The following TSPAN15 variants were observed in gnomAD, a reference collection of about 807,000 sequenced individuals.
TSPAN15 encodes the protein tetraspanin 15.
A neutral mutation model predicts 34.5 loss-of-function variants in TSPAN15; 20 were observed. The ratio of observed to expected loss-of-function variants is 0.58; its 90% confidence interval spans 0.41 to 0.84. The LOEUF (loss-of-function observed/expected upper bound fraction) is 0.84, where lower values mean the gene tolerates loss of function less well. TSPAN15 is among the 40% of genes least tolerant of loss of function. The pLI, the probability that TSPAN15 is intolerant of heterozygous loss-of-function variation, is 0.00. For synonymous variants in TSPAN15, 155 were observed against 153.9 expected, an observed-to-expected ratio of 1.01 and a Z score of -0.05; for missense variants, 313 against 386.1, an observed-to-expected ratio of 0.81 and a Z score of 1.59.
intron 1 of TSPAN15, among the ~76,000 whole-genome samples, chr10:69,458,098 G>A (rs547126894): frequency 3.9e-5 from 6 of 152,124 alleles, no homozygotes; most frequent in Non-Finnish European, 7.3e-5. Flanking sequence ...TTTCTTCCTC[G>A]GGCCCCCATG....
At chr10:69,511,541 T>A (rs545504276), downstream of TSPAN15, among the ~76,000 whole-genome samples, 4 of 152,326 alleles carry the variant, frequency 2.6e-5, no homozygotes, top group East Asian at 7.7e-4. Context: ...ATTCATTGAT[T>A]TTTTGAAGGG....
At chr10:69,512,290 C>T (rs1345394964), downstream of TSPAN15, among the ~76,000 whole-genome samples, 2 of 152,122 alleles carry the variant, frequency 1.3e-5, no homozygotes, top group Non-Finnish European at 2.9e-5. Flanking sequence ...ATTTGTGCAG[C>T]CTACATCATT....
chr10:69,471,758 ATTC>A (rs1004984758), intron 1 of TSPAN15, among the ~76,000 whole-genome samples: 1 of 151,882 alleles, frequency 6.6e-6, no homozygotes, highest in Non-Finnish European at 1.5e-5. Context: ...CACCTGGCTA[ATTC>A]TTCTTACTTT....
chr10:69,463,201 G>T (rs905277750), intron 1 of TSPAN15, among the ~76,000 whole-genome samples: 1 of 152,252 alleles, frequency 6.6e-6, no homozygotes, highest in Non-Finnish European at 1.5e-5. Flanking sequence ...TCAGAAACTT[G>T]TGGGGTGGCC....
intron 1 of TSPAN15, 60 bp downstream of exon 1, chr10:69,451,750 T>A: frequency 7.5e-7 from 1 of 1,334,064 alleles, no homozygotes; most frequent in Non-Finnish European, 9.9e-7. Flanking sequence ...GGCCGCCCCC[T>A]CACTGGCCCG....
rs767296591 is a variant in TSPAN15, at chr10:69,504,502, G to C, written c.618+17G>C. On this transcript the variant is annotated intron_variant, in intron 6 of 7. Coordinates refer to ENST00000373290, the MANE Select transcript of TSPAN15 (RefSeq NM_012339.5). ...GACAAGGAGGTAATGTCTTTGAAAT[G>C]CCTTTCCCTGGAAATGTTGCTCTTC... is the stretch of plus-strand genomic sequence containing the variant. 4 of 1,613,756 alleles carry C rather than the reference G, an allele frequency of 2.5e-6. No homozygotes were observed. Among genetic ancestry groups the C allele is most frequent in the Admixed American group, 1.7e-5 (1 of 59,992 alleles).
the TSPAN15 span, among the ~76,000 whole-genome samples, chr10:69,530,816 C>CTA: frequency 1.2e-3 from 61 of 52,372 alleles, no homozygotes; most frequent in South Asian, 2.1e-3. Flanking sequence ...CTCTCTCTCT[C>CTA]TCTCTATATA....
At chr10:69,539,489 A>AG in the TSPAN15 span, among the ~76,000 whole-genome samples, 2 of 59,460 alleles carry the variant, frequency 3.4e-5, no homozygotes, top group African/African-American at 7.2e-5. Context: ...AAGGAGAAGA[A>AG]GAAGAAGAAG....
chr10:69,502,714 C>T (rs571276224), intron 5 of TSPAN15, among the ~76,000 whole-genome samples: 1 of 152,112 alleles, frequency 6.6e-6, no homozygotes, highest in African/African-American at 2.4e-5. Context: ...GCTCTCCTGG[C>T]AGGGTGAGGT....
At chr10:69,491,465 C>T (rs901510175) in intron 3 of TSPAN15, among the ~76,000 whole-genome samples, 12 of 152,186 alleles carry the variant, frequency 7.9e-5, no homozygotes, top group African/African-American at 2.9e-4. Context: ...TAGGCTCAAG[C>T]GATCCTCCCA....
chr10:69,527,592 T>C, the TSPAN15 span, among the ~76,000 whole-genome samples: 1 of 101,184 alleles, frequency 9.9e-6, no homozygotes, highest in Non-Finnish European at 2.0e-5. Flanking sequence ...CGAAATTCCA[T>C]CTCAAAAAAA....
chr10:69,514,575 T>G, the TSPAN15 span, among the ~76,000 whole-genome samples: 1 of 152,250 alleles, frequency 6.6e-6, no homozygotes, highest in Non-Finnish European at 1.5e-5. Flanking sequence ...TGGTAGTTTT[T>G]TCCTTCAAGG....
the TSPAN15 span, among the ~76,000 whole-genome samples, chr10:69,530,670 G>A: frequency 6.9e-6 from 1 of 144,278 alleles, no homozygotes; most frequent in South Asian, 2.2e-4. Context: ...GCCAGGGGTG[G>A]TGGTGTGTGC....
Position 69,506,344 on chromosome 10 carries a change from G to T in TSPAN15, c.735+104G>T, listed in dbSNP as rs927641854. ...AGAGGCTTTTTTCATAGAAGTCCAG[G>T]ACTTGCCTGGGGAGGGCTGCATGGC... On this transcript the variant is annotated intron_variant, in intron 7 of 7. Transcript: ENST00000373290. The surrounding 1 kb of genome is among the most constrained non-coding windows in gnomAD (Gnocchi z 4.7). 2 of 1,129,548 alleles carry T rather than the reference G, an allele frequency of 1.8e-6. No individual in the cohort carries two copies. Among genetic ancestry groups the T allele is most frequent in the Non-Finnish European group, 1.3e-6 (1 of 769,286 alleles). 70.0% of individuals were successfully genotyped at this position (1,129,548 alleles called of 1,614,324 possible).
chr10:69,510,860 T>G (rs1215869428), downstream of TSPAN15, among the ~76,000 whole-genome samples: 1 of 152,244 alleles, frequency 6.6e-6, no homozygotes, highest in African/African-American at 2.4e-5. Context: ...TTGGTTCTGT[T>G]TATGTGATGG....
the TSPAN15 span, among the ~76,000 whole-genome samples, chr10:69,537,413 C>T: frequency 6.6e-6 from 1 of 152,134 alleles, no homozygotes; most frequent in Non-Finnish European, 1.5e-5. Context: ...ACCATCTGTG[C>T]TGAAAACTGG....
At chr10:69,538,217 C>G in the TSPAN15 span, among the ~76,000 whole-genome samples, 53 of 152,150 alleles carry the variant, frequency 3.5e-4, no homozygotes, top group Non-Finnish European at 7.1e-4. Flanking sequence ...CATTCCCTAA[C>G]AGGAATGGAT....
intron 5 of TSPAN15, among the ~76,000 whole-genome samples, chr10:69,499,687 G>T (rs568601328): frequency 2.0e-5 from 3 of 152,308 alleles, no homozygotes; most frequent in Admixed American, 2.0e-4. Context: ...ATAAGTAAAA[G>T]ATAGAGGATC....
At chr10:69,539,534 A>G in the TSPAN15 span, among the ~76,000 whole-genome samples, 671 of 63,338 alleles carry the variant, frequency 0.011, 24 homozygotes, top group African/African-American at 0.039. Context: ...AAGAAGAAGA[A>G]GAAGGAGAAG....
Sources: gnomAD v4.1 joint callset for allele counts (sites outside exome capture counted in the v4.1 genomes callset) on GRCh38, gnomAD v4.1.1 for gene constraint, Gnocchi (gnomAD v3.1) non-coding constraint, MANE v1.5 for transcripts, NCBI Gene and HGNC (gene_info 2026-07-23, HGNC 2026-07-21) for gene names.